BICC1: variants seen among roughly 807,000 people sequenced by gnomAD.
BICC1 encodes the protein BicC family RNA binding protein 1.
A neutral mutation model predicts 111.0 loss-of-function variants in BICC1; 43 were observed. The ratio of observed to expected loss-of-function variants is 0.39; its 90% CI spans 0.30 to 0.50. The LOEUF is 0.50. Ranked by LOEUF, BICC1 falls within the 20% of genes least tolerant of loss-of-function variation. BICC1 has a pLI of 0.88. For missense variants in BICC1, 1,091 were observed against 1,203.2 expected (o/e 0.91, Z 1.38); for synonymous variants, 467 against 434.4 (o/e 1.07, Z -0.93).
intron 1 of BICC1, among the ~76,000 whole-genome samples, chr10:58,585,010 C>T (rs1485790368): frequency 6.6e-6 from 1 of 152,098 alleles, no homozygotes; most frequent in Non-Finnish European, 1.5e-5. Flanking sequence ...TGATTAATTT[C>T]CTTCACTTTA....
Position 58,778,601 on chromosome 10 carries a change from GGAA to G in BICC1, c.308-6393_308-6391del, listed in dbSNP as rs559059758. Reference sequence around the variant, plus strand: ...ATCGTCTTCACATTGAGTAGCCTGAGGAAGAAGAATGAGGGGGAGTTCATCTTG... The same window carrying G: ...ATCGTCTTCACATTGAGTAGCCTGAGGAAGAATGAGGGGGAGTTCATCTTG... On this transcript the variant is annotated intron_variant, in intron 3 of 20. Transcript: ENST00000373886. Among the ~76,000 whole-genome samples the G allele has an allele frequency of 1.6e-3, 242 of 152,280 alleles. 3 individuals carry two copies. The highest frequency in any genetic ancestry group is 1.5e-3 in the South Asian group (7 of 4,822).
chr10:58,718,026 G>C (rs910868654), intron 3 of BICC1, among the ~76,000 whole-genome samples: 1 of 152,186 alleles, frequency 6.6e-6, no homozygotes, highest in Non-Finnish European at 1.5e-5. Flanking sequence ...TAATCTGTTT[G>C]TGGAACACTT....
intron 1 of BICC1, among the ~76,000 whole-genome samples, chr10:58,524,170 T>G (rs964048073): frequency 2.6e-5 from 4 of 152,198 alleles, no homozygotes; most frequent in African/African-American, 9.6e-5. Flanking sequence ...AAGCTACCAA[T>G]GACTTTCTTC....
At position 58,612,232 on chromosome 10, in the gene BICC1, G is replaced by A. The variant is rs1208101862; in HGVS notation, c.191-8623G>A. Among the ~76,000 whole-genome samples the A allele has an allele frequency of 5.3e-5, 8 of 152,176 alleles. No individual in the cohort carries two copies. The South Asian group carries it at 1.7e-3, about 32-fold the overall frequency. ...GAACCTAATGACTACTCTTTTCTCA[G>A]TTGGCTCTCAGAGCTTTGCATGCCA... On this transcript the variant is annotated intron_variant, in intron 1 of 20. Transcript: ENST00000373886.
chr10:58,647,946 G>A (rs1200771036), intron 2 of BICC1, among the ~76,000 whole-genome samples: 1 of 152,188 alleles, frequency 6.6e-6, no homozygotes, highest in African/African-American at 2.4e-5. Context: ...GTTGTAAACT[G>A]TTGGAGAATA....
intron 2 of BICC1, among the ~76,000 whole-genome samples, chr10:58,645,284 C>T (rs1180742715): frequency 6.6e-6 from 1 of 151,888 alleles, no homozygotes; most frequent in Non-Finnish European, 1.5e-5. Context: ...TGGTGGGCGC[C>T]TGTAGTCCCA....
chr10:58,544,780 C>T (rs1372755156), intron 1 of BICC1, among the ~76,000 whole-genome samples: 1 of 152,028 alleles, frequency 6.6e-6, no homozygotes, highest in Non-Finnish European at 1.5e-5. Context: ...CTCCCTTTCC[C>T]CCAAAATCAG....
intron 2 of BICC1, among the ~76,000 whole-genome samples, chr10:58,696,069 A>G (rs780607089): frequency 1.3e-4 from 20 of 152,156 alleles, no homozygotes; most frequent in Admixed American, 3.3e-4. Flanking sequence ...TGTAAACATT[A>G]CCTTCCCTTC....
At chr10:58,715,586 G>A in intron 3 of BICC1, 2 of 1,597,490 alleles carry the variant, frequency 1.3e-6, no homozygotes, top group Middle Eastern at 1.7e-4. Flanking sequence ...TGGCCTATAT[G>A]CACCCAATAG....
chr10:58,724,403 A>ATGTG (rs369203424), intron 3 of BICC1, among the ~76,000 whole-genome samples: 7 of 151,298 alleles, frequency 4.6e-5, no homozygotes, highest in African/African-American at 1.7e-4. Flanking sequence ...ATATGTGTGT[A>ATGTG]TGTGTGTGTG....
chr10:58,531,020 T>C (rs1320442321), intron 1 of BICC1, among the ~76,000 whole-genome samples: 2 of 151,858 alleles, frequency 1.3e-5, no homozygotes, highest in Non-Finnish European at 2.9e-5. Flanking sequence ...TTTCATTTCA[T>C]CTGAGTCGGC....
chr10:58,639,214 A>G (rs747492120), intron 2 of BICC1, among the ~76,000 whole-genome samples: 37 of 152,270 alleles, frequency 2.4e-4, no homozygotes, highest in Non-Finnish European at 3.8e-4. Flanking sequence ...CAGAAGATCC[A>G]TATCTATACC....
chr10:58,801,285 C>T (rs1010539192), intron 14 of BICC1, among the ~76,000 whole-genome samples: 3 of 152,106 alleles, frequency 2.0e-5, no homozygotes, highest in Admixed American at 6.6e-5. Context: ...TCCTCTAAAC[C>T]GTCTGTATTA....
intron 2 of BICC1, among the ~76,000 whole-genome samples, chr10:58,667,038 T>A (rs967573749): frequency 1.3e-5 from 2 of 152,076 alleles, no homozygotes; most frequent in Non-Finnish European, 2.9e-5. Flanking sequence ...AGGCTTACAA[T>A]TTGGTCAGCT....
At chr10:58,699,643 T>A (rs2132441689) in intron 2 of BICC1, among the ~76,000 whole-genome samples, 1 of 152,288 alleles carries the variant, frequency 6.6e-6, no homozygotes, top group East Asian at 1.9e-4. Context: ...ATTGTTTTCT[T>A]ACTGCCTCCC....
intron 17 of BICC1, among the ~76,000 whole-genome samples, chr10:58,812,785 C>T (rs1273215308): frequency 6.6e-6 from 1 of 152,080 alleles, no homozygotes; most frequent in African/African-American, 2.4e-5. Flanking sequence ...GCCTATGATT[C>T]TTAAATTTCA....
rs575237001 is a variant in BICC1, at chr10:58,722,779, A to C, written c.307+20636A>C. Among the ~76,000 whole-genome samples the C allele has an allele frequency of 3.3e-3, 509 of 152,330 alleles. 3 individuals carry two copies. The highest frequency in any genetic ancestry group is 0.01 in the Middle Eastern group (3 of 294). ...TTGGTGCATCAGTGGGTTGAGGTGA[A>C]ATAAGTTTATTTTATAGTTTTGTTT... is the stretch of plus-strand genomic sequence containing the variant. On this transcript the variant is annotated intron_variant, in intron 3 of 20. Transcript: ENST00000373886.
At chr10:58,745,546 C>T (rs1039860567) in intron 3 of BICC1, among the ~76,000 whole-genome samples, 2 of 150,958 alleles carry the variant, frequency 1.3e-5, no homozygotes, top group African/African-American at 4.9e-5. Context: ...ACCATGTTCC[C>T]TTCTGGAGAC....
intron 3 of BICC1, among the ~76,000 whole-genome samples, chr10:58,775,343 C>T (rs1842720760): frequency 1.3e-5 from 2 of 150,974 alleles, no homozygotes; most frequent in South Asian, 4.2e-4. Flanking sequence ...CACTGCACTC[C>T]AGCCTGGGTG....
Sources: allele counts gnomAD v4.1 joint callset (sites outside exome capture counted in the v4.1 genomes callset), GRCh38; gene constraint gnomAD v4.1.1; transcripts MANE v1.5; gene names NCBI Gene and HGNC (gene_info 2026-07-23, HGNC 2026-07-21).